Variants in SGCD observed in about 807,000 individuals in gnomAD.
SGCD encodes sarcoglycan delta, also known as delta-sarcoglycan.
SGCD carries 18 observed loss-of-function variants against 36.6 expected under a neutral mutation model. That is an observed-to-expected ratio of 0.49 (90% confidence interval 0.34 to 0.73). SGCD has a LOEUF of 0.73. Among genes scored for constraint, SGCD ranks in the 30% least tolerant of loss-of-function variants. SGCD has a pLI of 0.01. For missense variants in SGCD, 387 were observed against 346.7 expected, an observed-to-expected ratio of 1.12 and a Z score of -0.92; for synonymous variants, 133 against 130.6, an observed-to-expected ratio of 1.02 and a Z score of -0.12.
At chr5:156,549,917 C>A (rs1009363748) in intron 4 of SGCD, among the ~76,000 whole-genome samples, 1 of 152,140 alleles carries the variant, frequency 6.6e-6, no homozygotes, top group Non-Finnish European at 1.5e-5. Flanking sequence ...ATGCAAATAA[C>A]CCTTATCAAC....
At chr5:156,511,428 A>G (rs1235371780) in intron 4 of SGCD, among the ~76,000 whole-genome samples, 1 of 152,186 alleles carries the variant, frequency 6.6e-6, no homozygotes, top group African/African-American at 2.4e-5. Flanking sequence ...TTCATTATAC[A>G]AATTGTAGCC....
chr5:156,484,003 G>A (rs891165973), intron 3 of SGCD, among the ~76,000 whole-genome samples: 4 of 152,164 alleles, frequency 2.6e-5, no homozygotes, highest in African/African-American at 9.7e-5. Context: ...TAGTACTTCC[G>A]CTAGTCTGAA....
At chr5:155,947,229 GC>G (rs1179263882) in intron 1 of SGCD, among the ~76,000 whole-genome samples, 1 of 151,334 alleles carries the variant, frequency 6.6e-6, no homozygotes. Flanking sequence ...GTTATTATTA[GC>G]CCCGCTTAGC....
Position 156,594,896 on chromosome 5 carries a change from C to G in SGCD, c.383-36C>G, listed in dbSNP as rs568595912. On this transcript the variant is annotated intron_variant, in intron 5 of 8. Transcript: ENST00000337851. The stretch of plus-strand genomic sequence containing the variant: ...TGTTTTCTCTCTCTCTCTCTCCTCT[C>G]TCCTCTCTATCTCTCTATCTCTCTA... 7.1e-6 allele frequency: 10 copies of G among 1,410,196 alleles called. No individual in the cohort carries two copies. In the South Asian group the frequency reaches 9.6e-5, roughly 14 times the overall value. 87.4% of individuals were successfully genotyped at this position (1,410,196 alleles called of 1,614,324 possible). A position where few individuals can be genotyped will look rare whatever the true frequency, so the allele number is the denominator to read the frequency against.
chr5:155,744,467 A>C, the SGCD span, among the ~76,000 whole-genome samples: 1 of 151,376 alleles, frequency 6.6e-6, no homozygotes, highest in African/African-American at 2.5e-5. Context: ...CTCAAATAAA[A>C]TAAAATAAAA....
chr5:156,030,835 A>G (rs916442662), intron 1 of SGCD, among the ~76,000 whole-genome samples: 1 of 152,204 alleles, frequency 6.6e-6, no homozygotes, highest in East Asian at 1.9e-4. Flanking sequence ...GTGCAAATAA[A>G]GGTACAAATA....
chr5:155,983,972 A>G (rs1758279848), intron 1 of SGCD, among the ~76,000 whole-genome samples: 2 of 152,180 alleles, frequency 1.3e-5, no homozygotes, highest in Non-Finnish European at 1.5e-5. Flanking sequence ...TGAAAATTTC[A>G]TGACCTTCTT....
At chr5:155,951,674 A>AT (rs373600640) in intron 1 of SGCD, among the ~76,000 whole-genome samples, 8 of 152,192 alleles carry the variant, frequency 5.3e-5, no homozygotes, top group Non-Finnish European at 8.8e-5. Context: ...GGAAAAAAAA[A>AT]TAAAAGTGGA....
chr5:156,049,633 C>G (rs1759864236), intron 1 of SGCD, among the ~76,000 whole-genome samples: 1 of 146,374 alleles, frequency 6.8e-6, no homozygotes, highest in Non-Finnish European at 1.5e-5. Context: ...TTTTGTAAGT[C>G]TATATCTGTC....
intron 3 of SGCD, among the ~76,000 whole-genome samples, chr5:156,134,674 C>T (rs1400701282): frequency 7.0e-6 from 1 of 143,298 alleles, no homozygotes; most frequent in African/African-American, 2.6e-5. Context: ...GGGTGGGGAA[C>T]ATCACACACT....
At chr5:155,741,687 C>CT in the SGCD span, among the ~76,000 whole-genome samples, 2,233 of 132,264 alleles carry the variant, frequency 0.017, 27 homozygotes, top group Admixed American at 0.022. Flanking sequence ...CTTTTCTTTT[C>CT]TTTTTTTTTT....
intron 2 of SGCD, among the ~76,000 whole-genome samples, chr5:156,336,082 C>T (rs1768337996): frequency 6.6e-6 from 1 of 152,110 alleles, no homozygotes; most frequent in African/African-American, 2.4e-5. Flanking sequence ...GCTCTGAGCT[C>T]CTGCTTCTTT....
intron 1 of SGCD, among the ~76,000 whole-genome samples, chr5:155,874,719 A>T (rs972874090): frequency 2.6e-5 from 4 of 152,092 alleles, no homozygotes; most frequent in African/African-American, 9.7e-5. Flanking sequence ...ATACCAACAC[A>T]TACCCCTAGA....
chr5:156,291,485 G>A (rs1766755785), intron 3 of SGCD, among the ~76,000 whole-genome samples: 1 of 152,022 alleles, frequency 6.6e-6, no homozygotes, highest in African/African-American at 2.4e-5. Context: ...AGACAGTTTG[G>A]TTTACAGACA....
intron 7 of SGCD, among the ~76,000 whole-genome samples, chr5:156,691,799 G>C (rs183490726): frequency 2.3e-4 from 35 of 152,328 alleles, no homozygotes; most frequent in Middle Eastern, 6.8e-3. Flanking sequence ...ATTAGCATGT[G>C]CTGAATATCT....
At chr5:156,253,163 A>G (rs1765626416) in intron 3 of SGCD, among the ~76,000 whole-genome samples, 1 of 152,206 alleles carries the variant, frequency 6.6e-6, no homozygotes, top group South Asian at 2.1e-4. Flanking sequence ...GGCTTCATGA[A>G]GAACCACAGT....
At chr5:156,697,456 CT>C (rs1754364540) in intron 7 of SGCD, among the ~76,000 whole-genome samples, 1 of 152,144 alleles carries the variant, frequency 6.6e-6, no homozygotes, top group Non-Finnish European at 1.5e-5. Flanking sequence ...CTCCTTGCCC[CT>C]CTCCCCCAAA....
At chr5:156,039,047 T>C (rs988098343) in intron 1 of SGCD, among the ~76,000 whole-genome samples, 9 of 152,080 alleles carry the variant, frequency 5.9e-5, no homozygotes, top group African/African-American at 1.9e-4. Context: ...CCTCAGGAGC[T>C]TTTTATCAAG....
chr5:156,765,109 G>C lies in SGCD; in HGVS notation c.*5719G>C, dbSNP rs1417662459. The C allele has an allele frequency of 1.3e-5, 2 of 152,154 alleles. No individual in the cohort carries two copies. Among genetic ancestry groups the C allele is most frequent in the Non-Finnish European group, 1.5e-5 (1 of 68,020 alleles). 9.4% of individuals were successfully genotyped at this position (152,154 alleles called of 1,614,324 possible). ...TGAGGCCGACTTCTTTGCGAGAAGA[G>C]AAAAGAAAACATCTGCTTGATTTAA... is the stretch of plus-strand genomic sequence containing the variant. On this transcript the variant is annotated 3_prime_UTR_variant, in exon 9 of 9. Transcript: ENST00000337851.
Sources: allele counts gnomAD v4.1 joint callset (sites outside exome capture counted in the v4.1 genomes callset), GRCh38; gene constraint gnomAD v4.1.1; transcripts MANE v1.5; gene names NCBI Gene and HGNC (gene_info 2026-07-23, HGNC 2026-07-21).